Variants in CHLSN observed in about 807,000 individuals in gnomAD.
The protein encoded by CHLSN is cholesin, also known as protein cholesin.
chr7:1,083,505 G>A, the CHLSN span, among the ~76,000 whole-genome samples: 1 of 152,062 alleles, frequency 6.6e-6, no homozygotes, highest in Admixed American at 6.6e-5. Context: ...GCAGACGCCT[G>A]TAGTCCCAGC....
chr7:1,114,376 G>A, the CHLSN span, among the ~76,000 whole-genome samples: 1 of 152,262 alleles, frequency 6.6e-6, no homozygotes, highest in Non-Finnish European at 1.5e-5. Context: ...GGTTAAAGAG[G>A]CAAATGCGCC....
At chr7:1,057,250 C>A in the CHLSN span, among the ~76,000 whole-genome samples, 2 of 152,204 alleles carry the variant, frequency 1.3e-5, no homozygotes, top group Non-Finnish European at 2.9e-5. Context: ...CACCAGGCTC[C>A]CTCTCTGGTC....
At chr7:1,070,721 C>T in the CHLSN span, among the ~76,000 whole-genome samples, 57 of 149,492 alleles carry the variant, frequency 3.8e-4, no homozygotes, top group African/African-American at 1.2e-3. Context: ...CACGCACACG[C>T]GCACACATGC....
chr7:1,026,738 G>C, the CHLSN span: 3 of 152,276 alleles, frequency 2.0e-5, no homozygotes, highest in African/African-American at 7.2e-5. Context: ...CCAGCACCTG[G>C]CTCCGAAGTC....
the CHLSN span, among the ~76,000 whole-genome samples, chr7:1,046,357 G>A: frequency 6.6e-6 from 1 of 152,182 alleles, no homozygotes; most frequent in Non-Finnish European, 1.5e-5. Context: ...TGCACACGAC[G>A]ATCCCACGGT....
At chr7:1,070,719 C>CAT in the CHLSN span, among the ~76,000 whole-genome samples, 11 of 150,792 alleles carry the variant, frequency 7.3e-5, no homozygotes, top group Non-Finnish European at 1.6e-4. Context: ...AACACGCACA[C>CAT]GCGCACACAT....
At chr7:1,080,435 G>A in the CHLSN span, among the ~76,000 whole-genome samples, 2 of 152,200 alleles carry the variant, frequency 1.3e-5, no homozygotes, top group African/African-American at 4.8e-5. Context: ...GCCAGGCTCG[G>A]AGGCTGCACA....
At chr7:1,024,347 T>C in the CHLSN span, among the ~76,000 whole-genome samples, 34 of 152,098 alleles carry the variant, frequency 2.2e-4, no homozygotes, top group African/African-American at 7.7e-4. Flanking sequence ...GCCCGTGGGC[T>C]TCCTAAACAG....
chr7:1,131,192 A>T, the CHLSN span, among the ~76,000 whole-genome samples: 9 of 654 alleles, frequency 0.014, no homozygotes, highest in East Asian at 0.077. Flanking sequence ...CCTTGTGTTT[A>T]AAAAAAAAAA....
chr7:1,136,520 A>C, the CHLSN span, among the ~76,000 whole-genome samples: 1 of 99,190 alleles, frequency 1.0e-5, no homozygotes, highest in African/African-American at 3.3e-5. Flanking sequence ...ACATATATAA[A>C]TATATATAAA....
At chr7:1,057,965 C>T in the CHLSN span, 141 of 771,530 alleles carry the variant, frequency 1.8e-4, 1 homozygote, top group Non-Finnish European at 2.6e-4. Flanking sequence ...TGTGCGGCTT[C>T]GTGTGGGGTG....
the CHLSN span, among the ~76,000 whole-genome samples, chr7:1,120,723 A>G: frequency 3.3e-5 from 5 of 152,232 alleles, no homozygotes; most frequent in Non-Finnish European, 5.9e-5. Context: ...GCTGGAAACA[A>G]CTCAGTCTCC....
At chr7:983,137 C>T in the CHLSN span, 1 of 1,288,824 alleles carries the variant, frequency 7.8e-7, no homozygotes, top group Non-Finnish European at 1.0e-6. Flanking sequence ...CGGGCACGCC[C>T]TCCCGCGGAG....
At chr7:1,063,040 T>A in the CHLSN span, among the ~76,000 whole-genome samples, 1 of 152,078 alleles carries the variant, frequency 6.6e-6, no homozygotes, top group African/African-American at 2.4e-5. Context: ...AGCCTGAGCG[T>A]GTGAGTGCAT....
the CHLSN span, among the ~76,000 whole-genome samples, chr7:1,105,245 T>C: frequency 6.6e-6 from 1 of 152,230 alleles, no homozygotes; most frequent in Non-Finnish European, 1.5e-5. Flanking sequence ...AATTTCAATA[T>C]GGTGACCAAC....
At chr7:1,002,506 G>A in the CHLSN span, among the ~76,000 whole-genome samples, 1 of 102,578 alleles carries the variant, frequency 9.7e-6, no homozygotes, top group Non-Finnish European at 2.0e-5. Context: ...GGTGAGTGGA[G>A]TCCTGTGGGT....
the CHLSN span, among the ~76,000 whole-genome samples, chr7:1,023,623 A>AC: frequency 2.5e-5 from 3 of 120,256 alleles, no homozygotes; most frequent in East Asian, 7.0e-4. The surrounding 1 kb of genome is among the most constrained non-coding windows in gnomAD (Gnocchi z 5.0). Flanking sequence ...TCCTCCCAGG[A>AC]AACACACACA....
chr7:985,958 C>T, the CHLSN span, among the ~76,000 whole-genome samples: 14 of 152,248 alleles, frequency 9.2e-5, no homozygotes, highest in Non-Finnish European at 1.8e-4. Flanking sequence ...ACAGCTTCCA[C>T]CCGTCCTAGC....
At chr7:1,129,737 C>G in the CHLSN span, among the ~76,000 whole-genome samples, 3 of 152,216 alleles carry the variant, frequency 2.0e-5, no homozygotes, top group Non-Finnish European at 4.4e-5. Context: ...GCCACCATGC[C>G]CAGCCCCGTT....
Sources: allele counts gnomAD v4.1 joint callset (sites outside exome capture counted in the v4.1 genomes callset), GRCh38; gene constraint gnomAD v4.1.1; non-coding constraint Gnocchi (gnomAD v3.1); transcripts MANE v1.5; gene names NCBI Gene and HGNC (gene_info 2026-07-23, HGNC 2026-07-21).